Variants in DYNC1I1 observed in about 807,000 individuals in gnomAD.
DYNC1I1 encodes the protein cytoplasmic dynein 1 intermediate chain 1.
In DYNC1I1, 43 loss-of-function variants were observed where a neutral mutation model predicts 86.6. That is an observed-to-expected ratio of 0.50 (90% confidence interval 0.39 to 0.64). The LOEUF (loss-of-function observed/expected upper bound fraction) is 0.64. DYNC1I1 is among the 30% of genes least tolerant of loss of function. DYNC1I1 has a pLI of 0.00. For synonymous variants in DYNC1I1, 262 were observed against 283.7 expected, an observed-to-expected ratio of 0.92 and a Z score of 0.77; for missense variants, 604 against 788.8, an observed-to-expected ratio of 0.77 and a Z score of 2.81.
At chr7:95,833,766 CTGTT>C (rs1207049485) in intron 5 of DYNC1I1, among the ~76,000 whole-genome samples, 32 of 133,040 alleles carry the variant, frequency 2.4e-4, no homozygotes, top group Non-Finnish European at 4.6e-4. Flanking sequence ...ATTTGGCTCT[CTGTT>C]TGTCTGTTGT....
At chr7:95,792,584 G>A (rs1283102062) in intron 1 of DYNC1I1, among the ~76,000 whole-genome samples, 9 of 152,140 alleles carry the variant, frequency 5.9e-5, no homozygotes, top group Non-Finnish European at 8.8e-5. Flanking sequence ...AGCCTACTAC[G>A]AAAGCATTCA....
chr7:95,994,087 T>A (rs1793798401), intron 9 of DYNC1I1, among the ~76,000 whole-genome samples: 1 of 152,218 alleles, frequency 6.6e-6, no homozygotes, highest in Non-Finnish European at 1.5e-5. Flanking sequence ...GTCCTTCTTG[T>A]TATTTTACTG....
intron 14 of DYNC1I1, among the ~76,000 whole-genome samples, chr7:96,046,590 T>C (rs1021361161): frequency 6.6e-6 from 1 of 152,236 alleles, no homozygotes; most frequent in Non-Finnish European, 1.5e-5. Context: ...CCAAAGACTG[T>C]GTTCTTTTCC....
chr7:95,871,495 C>G (rs1288435431), intron 6 of DYNC1I1, among the ~76,000 whole-genome samples: 3 of 152,200 alleles, frequency 2.0e-5, no homozygotes, highest in African/African-American at 7.2e-5. Context: ...ATTTGTTTGA[C>G]TTAATTTGCT....
At chr7:95,806,086 T>C (rs76009020) in intron 2 of DYNC1I1, among the ~76,000 whole-genome samples, 446 of 152,288 alleles carry the variant, frequency 2.9e-3, no homozygotes, top group African/African-American at 0.01. Context: ...TACTCAGTCT[T>C]TGAGTGAAGT....
intron 14 of DYNC1I1, 77 bp downstream of exon 14, chr7:96,039,498 T>C: frequency 4.4e-6 from 7 of 1,592,478 alleles, no homozygotes; most frequent in Non-Finnish European, 6.0e-6. Context: ...GAAACAGTTG[T>C]CCCTAAAGCC....
chr7:95,822,021 G>T (rs548930720), intron 4 of DYNC1I1, among the ~76,000 whole-genome samples: 216 of 152,310 alleles, frequency 1.4e-3, no homozygotes, highest in African/African-American at 5.0e-3. Context: ...GGTCTAATAA[G>T]ATGGAAAGAA....
chr7:96,029,046 C>T (rs982945278), intron 11 of DYNC1I1, among the ~76,000 whole-genome samples: 15 of 152,222 alleles, frequency 9.9e-5, no homozygotes, highest in African/African-American at 3.4e-4. Context: ...CAAATTATGC[C>T]CAAGGATACA....
chr7:95,838,802 T>A (rs928300098), intron 5 of DYNC1I1, among the ~76,000 whole-genome samples: 1 of 152,186 alleles, frequency 6.6e-6, no homozygotes, highest in Non-Finnish European at 1.5e-5. Flanking sequence ...GTGGAAATGC[T>A]TTCTTGATTT....
intron 1 of DYNC1I1, among the ~76,000 whole-genome samples, chr7:95,798,262 T>C (rs1043230322): frequency 6.6e-6 from 1 of 152,196 alleles, no homozygotes; most frequent in Admixed American, 6.5e-5. Context: ...AGTGTACTGA[T>C]GGCTGTAAAA....
intron 6 of DYNC1I1, among the ~76,000 whole-genome samples, chr7:95,958,888 C>T (rs996673038): frequency 1.3e-5 from 2 of 152,226 alleles, no homozygotes; most frequent in African/African-American, 2.4e-5. Context: ...AAATAAAACA[C>T]GATTATGGCC....
At position 96,076,211 on chromosome 7, in the gene DYNC1I1, C is replaced by G; in HGVS notation, c.1650+14C>G. 2 of 1,613,332 alleles carry G rather than the reference C, an allele frequency of 1.2e-6. No individual in the cohort carries two copies. The highest frequency in any genetic ancestry group is 1.7e-6 in the Non-Finnish European group (2 of 1,179,530). ...AATGACACCGAGGTGAGCGGCGGCT[C>G]AGGCGCCCGGGCCGGAGGGCTGGGA... is the stretch of plus-strand genomic sequence containing the variant. On this transcript the variant is annotated intron_variant, in intron 15 of 16. Transcript: ENST00000447467.
downstream of DYNC1I1, among the ~76,000 whole-genome samples, chr7:96,103,236 G>A (rs1791163135): frequency 6.6e-6 from 1 of 152,180 alleles, no homozygotes; most frequent in African/African-American, 2.4e-5. Context: ...GTTGTCAATG[G>A]ATTACAGCTA....
At chr7:95,941,508 G>A (rs192161078) in intron 6 of DYNC1I1, among the ~76,000 whole-genome samples, 16,684 of 152,150 alleles carry the variant, frequency 0.11, 1,968 homozygotes, top group African/African-American at 0.3. Context: ...GGGCAATGGC[G>A]GGCGCCCCTC....
chr7:95,878,105 G>T (rs1790356871), intron 6 of DYNC1I1, among the ~76,000 whole-genome samples: 1 of 152,070 alleles, frequency 6.6e-6, no homozygotes, highest in Non-Finnish European at 1.5e-5. Context: ...TGGGGGGACT[G>T]GTATCCAGTG....
intron 5 of DYNC1I1, among the ~76,000 whole-genome samples, chr7:95,868,887 T>G (rs1259392735): frequency 6.6e-6 from 1 of 152,044 alleles, no homozygotes; most frequent in Admixed American, 6.5e-5. Flanking sequence ...GGGCTAGGGG[T>G]TATGTATTTA....
At position 95,804,895 on chromosome 7, in the gene DYNC1I1, G is replaced by A. The variant is rs548766833; in HGVS notation, c.108+58G>A. ...AAAAGGAAAATCACTTGATTCTGAG[G>A]GGCTGGTCAAATGGATAAATAGGAC... On this transcript the variant is annotated intron_variant, in intron 2 of 16. Coordinates refer to ENST00000447467, the MANE Select transcript of DYNC1I1 (RefSeq NM_001135556.2). The A allele has an allele frequency of 1.2e-4, 184 of 1,519,460 alleles. 3 individuals are homozygous for A. In the South Asian group the frequency reaches 2.1e-3, roughly 17 times the overall value. The allele number at this position is 1,519,460 out of a possible 1,614,324, so 94.1% of individuals were successfully genotyped here. A position where few individuals can be genotyped will look rare whatever the true frequency, so the allele number is the denominator to read the frequency against.
intron 16 of DYNC1I1, among the ~76,000 whole-genome samples, chr7:96,084,761 T>C (rs1487473223): frequency 6.6e-6 from 1 of 152,074 alleles, no homozygotes; most frequent in Non-Finnish European, 1.5e-5. Flanking sequence ...AAATGTTTAA[T>C]GAGAAGGGCC....
At chr7:96,057,911 C>A (rs1019134127) in intron 14 of DYNC1I1, among the ~76,000 whole-genome samples, 3 of 152,176 alleles carry the variant, frequency 2.0e-5, no homozygotes, top group African/African-American at 7.2e-5. Flanking sequence ...TTTCCATCCT[C>A]ATTTGGACAC....
Sources: allele counts gnomAD v4.1 joint callset (sites outside exome capture counted in the v4.1 genomes callset), GRCh38; gene constraint gnomAD v4.1.1; transcripts MANE v1.5; gene names NCBI Gene and HGNC (gene_info 2026-07-23, HGNC 2026-07-21).